The following CCDC154 variants were observed in gnomAD, a reference collection of about 807,000 sequenced individuals.
The protein encoded by CCDC154 is coiled-coil domain containing 154, also known as coiled-coil domain-containing protein 154.
In CCDC154, 91 loss-of-function variants were observed where a neutral mutation model predicts 87.5. That is an observed-to-expected ratio of 1.04 (90% CI 0.88 to 1.24). The LOEUF is 1.24. Among genes scored for constraint, CCDC154 ranks in the 50% most tolerant of loss-of-function variants. The pLI, the probability that CCDC154 is intolerant of heterozygous loss-of-function variation, is 0.00. For missense variants in CCDC154, 903 were observed against 879.2 expected (o/e 1.03, Z -0.34); for synonymous variants, 418 against 400.4 (o/e 1.04, Z -0.52).
intron 11 of CCDC154, chr16:1,437,606 T>G (rs2038513321): frequency 1.8e-6 from 1 of 565,150 alleles, no homozygotes; most frequent in Non-Finnish European, 2.9e-6. Context: ...GGGCTGCAGA[T>G]GCTGGGCCGA....
Position 1,438,662 on chromosome 16 carries a change from G to A in CCDC154, c.982C>T (p.Gln328Ter). 1 of 1,550,138 alleles carries A rather than the reference G, an allele frequency of 6.5e-7. No individual in the cohort carries two copies. Among genetic ancestry groups the A allele is most frequent in the Middle Eastern group, 1.7e-4 (1 of 5,986 alleles). ...AGTAGGACACGGTTCAGCGACGCCT[G>A]GTTCTGCTGCACAAACTTGGTCAGC... ...AQLTKFVQQN[Q>*]ASLNRVLLAE... Residue 328 changes from glutamine (Q) to a stop codon, truncating the protein, a stop_gained, in exon 9 of 17, where the codon CAG becomes TAG. Transcript: ENST00000389176. LOFTEE classifies it high-confidence loss of function.
Position 1,436,686 on chromosome 16 carries a change from G to A in CCDC154, c.1410+6C>T, listed in dbSNP as rs375262245. ...GTACACCAAGGCTGGCTGTGCCTTC[G>A]CCCACCTGCTGGGGGAGGCCATCCA... On this transcript the variant is annotated splice_donor_region_variant and intron_variant, in intron 12 of 16. Transcript: ENST00000389176. 762 of 1,549,936 alleles carry A rather than the reference G, an allele frequency of 4.9e-4. 5 individuals carry two copies. In the African/African-American group the frequency reaches 9.7e-3, roughly 20 times the overall value.
At chr16:1,435,897 C>T (rs1290386010) in intron 14 of CCDC154, 72 bp downstream of exon 14, 39 of 1,317,096 alleles carry the variant, frequency 3.0e-5, no homozygotes, top group South Asian at 3.9e-5. Context: ...CCTGCCTCTC[C>T]GCACGGCTGC....
chr16:1,443,557 C>T lies in CCDC154; in HGVS notation c.363G>A (p.Leu121=), dbSNP rs886288221. ...VQLQGSELRQ[L]QQEARPAAQA... ...GGGCTGCCGGCCGCGCCTCCTGCTG[C>T]AACTGCCTCAGCTCTGAGCCCTGCA... The change falls in exon 3 of 17, where the codon TTG becomes TTA. Residue 121 remains leucine, a synonymous_variant. Transcript: ENST00000389176. 24 of 1,480,580 alleles carry T rather than the reference C, an allele frequency of 1.6e-5. No individual in the cohort carries two copies. The East Asian group carries it at 5.7e-4, about 35-fold the overall frequency. 91.7% of individuals were successfully genotyped at this position (1,480,580 alleles called of 1,614,324 possible).
chr16:1,435,188 C>T lies in CCDC154; in HGVS notation c.1606-13G>A. The stretch of plus-strand genomic sequence containing the variant: ...TTTGGTTCTGAAACTAAACATGGCC[C>T]CCATTTGGGCACAGACAGGGCCAGT... On this transcript the variant is annotated splice_polypyrimidine_tract_variant and intron_variant, in intron 14 of 16. Transcript: ENST00000389176. 6.5e-7 allele frequency: 1 copy of T among 1,550,072 alleles called. No individual in the cohort carries two copies. The highest frequency in any genetic ancestry group is 8.7e-7 in the Non-Finnish European group (1 of 1,146,506).
chr16:1,434,521 T>C lies in CCDC154; in HGVS notation c.1891A>G (p.Lys631Glu). Residue 631 changes from lysine to glutamate, a missense_variant, in exon 17 of 17, where the codon AAG becomes GAG. By Grantham distance (56) the Lys-to-Glu change is moderately conservative (BLOSUM62 1). Coordinates refer to ENST00000389176, the MANE Select transcript of CCDC154 (RefSeq NM_001143980.3). The part of the protein sequence containing the change: ...VYQAVRWLRW[K>E]ASLIKLRALR... ...GCCCTGAGCTTTATGAGGGACGCCT[T>C]CCAGCGCAGCCACCTGTCCAGAGAT... is the stretch of plus-strand genomic sequence containing the variant. 6.5e-7 allele frequency: 1 copy of C among 1,547,256 alleles called. No individual in the cohort carries two copies. The highest frequency in any genetic ancestry group is 2.4e-5 in the East Asian group (1 of 40,862).
At chr16:1,441,684 G>T (rs1048753306) in intron 6 of CCDC154, among the ~76,000 whole-genome samples, 1 of 152,198 alleles carries the variant, frequency 6.6e-6, no homozygotes, top group African/African-American at 2.4e-5. Context: ...GCAGGCGCTG[G>T]CTGTGTGGGG....
In CCDC154 at chr16:1,440,133, G is replaced by C. The variant is rs1339929902; in HGVS notation, c.676-1007C>G. Among the ~76,000 whole-genome samples, 5 of 130,210 alleles carry C rather than the reference G, an allele frequency of 3.8e-5. No homozygotes were observed. The Admixed American group carries it at 4.5e-4, about 12-fold the overall frequency. The allele number at this position is 130,210 out of a possible 152,430, so 85.4% of individuals were successfully genotyped here. A position where few individuals can be genotyped will look rare whatever the true frequency, so the allele number is the denominator to read the frequency against. On this transcript the variant is annotated intron_variant, in intron 6 of 16. Transcript: ENST00000389176. ...CTGTAACTCCAGCCTGGGCGACAGA[G>C]CGAGACTGTCAGAAAAAAAAAAAAA...
At position 1,438,646 on chromosome 16, in the gene CCDC154, C is replaced by T. The variant is rs1309164261; in HGVS notation, c.998G>A (p.Arg333His). The T allele has an allele frequency of 7.1e-6, 11 of 1,549,950 alleles. No homozygotes were observed. The highest frequency in any genetic ancestry group is 6.8e-5 in the African/African-American group (5 of 73,038). Residue 333 changes from arginine to histidine, a missense_variant, in exon 9 of 17, where the codon CGT becomes CAT. By Grantham distance (29) the Arg-to-His change is conservative (BLOSUM62 0). Transcript: ENST00000389176. Reference sequence around the variant, plus strand: ...GGCTTTCTCCTCGGCCAGTAGGACACGGTTCAGCGACGCCTGGTTCTGCTG... The same window carrying T: ...GGCTTTCTCCTCGGCCAGTAGGACATGGTTCAGCGACGCCTGGTTCTGCTG... ...FVQQNQASLN[R>H]VLLAEEKAWD...
In CCDC154 at chr16:1,436,069, G is replaced by T; in HGVS notation, c.1505C>A (p.Ala502Asp). Residue 502 changes from alanine to aspartate, a missense_variant, in exon 14 of 17, where the codon GCC becomes GAC. Physicochemically the swap from Ala to Asp is moderately radical, Grantham distance 126. Transcript: ENST00000389176. Reference protein sequence around the residue: ...EGKAREFKVGALRQELATLLS... With the variant: ...EGKAREFKVGDLRQELATLLS... ...TAGCGTGGCCAGCTCCTGCCGCAGG[G>T]CCCCAACCTTGAACTCCCTATGGGC... 1 of 1,550,256 alleles carries T rather than the reference G, an allele frequency of 6.5e-7. No individual in the cohort carries two copies. Among genetic ancestry groups the T allele is most frequent in the Non-Finnish European group, 8.7e-7 (1 of 1,146,860 alleles).
chr16:1,440,224 C>T (rs112547823), intron 6 of CCDC154, among the ~76,000 whole-genome samples: 17 of 148,738 alleles, frequency 1.1e-4, no homozygotes, highest in African/African-American at 1.7e-4. Context: ...CCGAGGTGGG[C>T]GGATCATGAG....
chr16:1,437,840 T>C lies in CCDC154; in HGVS notation c.1267A>G (p.Met423Val). 6.5e-7 allele frequency: 1 copy of C among 1,538,512 alleles called. No homozygotes were observed. The highest frequency in any genetic ancestry group is 8.7e-7 in the Non-Finnish European group (1 of 1,145,334). Residue 423 changes from methionine (M) to valine (V), a missense_variant, in exon 11 of 17, where the codon ATG (methionine) becomes GTG (valine). Physicochemically the swap from Met to Val is conservative, Grantham distance 21. Coordinates refer to ENST00000389176, the MANE Select transcript of CCDC154 (RefSeq NM_001143980.3). The part of the protein sequence containing the change: ...LSSRLDLQEQ[M>V]LGLRLSEAKT... Reference sequence around the variant, plus strand: ...ACCTCGGACAGCCTGAGGCCCAGCATCTGCTCCTGCAGATCGAGCCGGCTG... The same window carrying C: ...ACCTCGGACAGCCTGAGGCCCAGCACCTGCTCCTGCAGATCGAGCCGGCTG...
rs777786701 is a variant in CCDC154, at chr16:1,442,915, C to T, written c.516G>A (p.Ala172=). ...RLRRRQVQQE[A]ERRGAEQEAG... ...CCTCTTGCTCGGCGCCCCTTCTCTC[C>T]GCCTCCTGTTGCACCTGCCTCCTCC... The change falls in exon 5 of 17, where the codon GCG becomes GCA. Residue 172 remains alanine, a synonymous_variant. Coordinates refer to ENST00000389176, the MANE Select transcript of CCDC154 (RefSeq NM_001143980.3). The T allele has an allele frequency of 3.9e-5, 60 of 1,549,752 alleles. 1 individual carries two copies. The highest frequency in any genetic ancestry group is 3.3e-4 in the Middle Eastern group (2 of 6,006).
Position 1,443,539 on chromosome 16 carries a change from C to G in CCDC154, c.381G>C (p.Pro127=). 3.4e-6 allele frequency: 5 copies of G among 1,475,090 alleles called. No homozygotes were observed. Among genetic ancestry groups the G allele is most frequent in the Non-Finnish European group, 4.5e-6 (5 of 1,119,952 alleles). 91.4% of individuals were successfully genotyped at this position (1,475,090 alleles called of 1,614,324 possible). Residue 127 remains proline (P), a synonymous_variant, in exon 3 of 17, where the codon CCG becomes CCC. Coordinates refer to ENST00000389176, the MANE Select transcript of CCDC154 (RefSeq NM_001143980.3). Reference sequence around the variant, plus strand: ...CCTCCTTTTCGGGGGCCTGGGCTGCCGGCCGCGCCTCCTGCTGCAACTGCC... The same window carrying G: ...CCTCCTTTTCGGGGGCCTGGGCTGCGGGCCGCGCCTCCTGCTGCAACTGCC... ...ELRQLQQEAR[P]AAQAPEKEAP... is the part of the protein sequence containing the mutation.
chr16:1,444,539 C>G lies in CCDC154; in HGVS notation c.-217G>C, dbSNP rs1238269903. 1 of 352,484 alleles carries G rather than the reference C, an allele frequency of 2.8e-6. No individual in the cohort carries two copies. Among genetic ancestry groups the G allele is most frequent in the Non-Finnish European group, 5.5e-6 (1 of 183,136 alleles). 21.8% of individuals were successfully genotyped at this position (352,484 alleles called of 1,614,324 possible). On this transcript the variant is annotated 5_prime_UTR_variant, in exon 1 of 17. Coordinates refer to ENST00000389176, the MANE Select transcript of CCDC154 (RefSeq NM_001143980.3). ...TGGGGCAGCGGGGCCGTTCCAGAAC[C>G]TTCCTTCTCTCCCCAGAACCTCACG...
intron 6 of CCDC154, among the ~76,000 whole-genome samples, chr16:1,439,548 G>A (rs61978627): frequency 0.059 from 8,972 of 151,520 alleles, 509 homozygotes; most frequent in African/African-American, 0.13. Context: ...CGCCCTGAAG[G>A]GGAGGGGAGG....
rs1025071055 is a variant in CCDC154, at chr16:1,438,644, C to T, written c.1000G>A (p.Val334Ile). 2.0e-5 allele frequency: 31 copies of T among 1,549,994 alleles called. No individual in the cohort carries two copies. Among genetic ancestry groups the T allele is most frequent in the African/African-American group, 4.1e-5 (3 of 73,036 alleles). ...CAGGCTTTCTCCTCGGCCAGTAGGA[C>T]ACGGTTCAGCGACGCCTGGTTCTGC... ...VQQNQASLNR[V>I]LLAEEKAWDA... The change falls in exon 9 of 17, where the codon GTC becomes ATC. Residue 334 changes from valine (V) to isoleucine (I), a missense_variant. Coordinates refer to ENST00000389176, the MANE Select transcript of CCDC154 (RefSeq NM_001143980.3).
chr16:1,435,741 G>T (rs1038436935), intron 14 of CCDC154, among the ~76,000 whole-genome samples: 4 of 152,126 alleles, frequency 2.6e-5, no homozygotes, highest in Admixed American at 2.6e-4. Context: ...GGTCAGGCGG[G>T]TCTCAAACTC....
At chr16:1,438,012 G>C (rs750414290) in intron 10 of CCDC154, 38 bp downstream of exon 10, 2 of 1,538,906 alleles carry the variant, frequency 1.3e-6, no homozygotes, top group Non-Finnish European at 1.8e-6. Context: ...CGTGTGCGTG[G>C]GAGACCCCGT....
Sources: gnomAD v4.1 joint callset for allele counts (sites outside exome capture counted in the v4.1 genomes callset) on GRCh38, gnomAD v4.1.1 for gene constraint, MANE v1.5 for transcripts, NCBI Gene and HGNC (gene_info 2026-07-23, HGNC 2026-07-21) for gene names.